Variants in TTC17 observed in about 807,000 individuals in gnomAD.
TTC17 encodes tetratricopeptide repeat domain 17.
TTC17 carries 58 observed loss-of-function variants against 143.8 expected under a neutral mutation model. That is an observed-to-expected ratio of 0.40 (90% confidence interval 0.33 to 0.50). The LOEUF is 0.50. Among genes scored for constraint, TTC17 ranks in the 20% least tolerant of loss-of-function variants. The pLI is 0.49. For synonymous variants in TTC17, 501 were observed against 497.8 expected, an observed-to-expected ratio of 1.01 and a Z score of -0.09; for missense variants, 1,273 against 1,392.5, an observed-to-expected ratio of 0.91 and a Z score of 1.37.
At chr11:43,450,936 T>C (rs1206440585) in intron 20 of TTC17, among the ~76,000 whole-genome samples, 1 of 152,194 alleles carries the variant, frequency 6.6e-6, no homozygotes, top group African/African-American at 2.4e-5. Context: ...ATTTACTCTG[T>C]GTTCTAGTGT....
chr11:43,482,126 G>A (rs945281808), intron 21 of TTC17, among the ~76,000 whole-genome samples: 3 of 151,884 alleles, frequency 2.0e-5, no homozygotes, highest in Non-Finnish European at 4.4e-5. Context: ...TAAATAATCA[G>A]TTTGAGGATC....
intron 1 of TTC17, among the ~76,000 whole-genome samples, chr11:43,366,367 A>G (rs865911384): frequency 2.1e-4 from 32 of 151,586 alleles, no homozygotes; most frequent in African/African-American, 7.3e-4. Flanking sequence ...TTAGCCGGGC[A>G]TGGTGGTGCG....
chr11:43,443,204 G>T, intron 16 of TTC17, 121 bp from the exon 17 acceptor site: 1 of 1,096,414 alleles, frequency 9.1e-7, no homozygotes, highest in South Asian at 1.8e-5. Flanking sequence ...TTATTACATT[G>T]GGCTATAGTA....
chr11:43,402,712 C>CA (rs1229378288), intron 10 of TTC17, among the ~76,000 whole-genome samples: 2 of 151,838 alleles, frequency 1.3e-5, no homozygotes, highest in Admixed American at 1.3e-4. Context: ...TTGCAAAATC[C>CA]AAAAAAATCT....
intron 21 of TTC17, among the ~76,000 whole-genome samples, chr11:43,458,149 C>T (rs558478846): frequency 7.9e-5 from 12 of 152,282 alleles, no homozygotes; most frequent in African/African-American, 1.9e-4. Context: ...TGGGCTCAGC[C>T]GGGCACTTCT....
intron 16 of TTC17, among the ~76,000 whole-genome samples, chr11:43,439,439 T>C (rs1947364323): frequency 6.6e-6 from 1 of 151,922 alleles, no homozygotes; most frequent in Admixed American, 6.6e-5. Flanking sequence ...CAGGACTACA[T>C]ATGCATAGCT....
At chr11:43,392,070 A>G in intron 5 of TTC17, 118 bp downstream of exon 5, 1 of 1,201,652 alleles carries the variant, frequency 8.3e-7, no homozygotes, top group Non-Finnish European at 1.1e-6. Flanking sequence ...AAGACGATTT[A>G]AAATTACACT....
chr11:43,368,813 G>A (rs1856451396), intron 1 of TTC17, among the ~76,000 whole-genome samples: 1 of 152,240 alleles, frequency 6.6e-6, no homozygotes, highest in Non-Finnish European at 1.5e-5. Context: ...ACAAGGTCCT[G>A]TAAGATCTAG....
rs114447891 is a variant in TTC17 at position 43,450,325 on chromosome 11, G to A, written c.2946+84G>A. ...TACTACATAGAAAGCCCAGGTGACC[G>A]GGCCTTTTAAAAAAAAATAGGGGCT... is the stretch of plus-strand genomic sequence containing the variant. On this transcript the variant is annotated intron_variant, in intron 20 of 23. Transcript: ENST00000039989. 2,659 of 1,413,912 alleles carry A rather than the reference G, an allele frequency of 1.9e-3. 39 individuals carry two copies. The African/African-American group carries it at 0.033, about 18-fold the overall frequency. 87.6% of individuals were successfully genotyped at this position (1,413,912 alleles called of 1,614,324 possible). A position where few individuals can be genotyped will look rare whatever the true frequency, so the allele number is the denominator to read the frequency against.
At chr11:43,384,187 A>G (rs1857084945) in intron 2 of TTC17, among the ~76,000 whole-genome samples, 1 of 152,158 alleles carries the variant, frequency 6.6e-6, no homozygotes, top group Non-Finnish European at 1.5e-5. Context: ...CTTACAAATA[A>G]AAAAAGAGGA....
At chr11:43,390,684 A>C (rs1041855667) in intron 3 of TTC17, among the ~76,000 whole-genome samples, 11 of 151,720 alleles carry the variant, frequency 7.3e-5, no homozygotes, top group African/African-American at 2.7e-4. Flanking sequence ...AAGAGAAAAA[A>C]ATAAAATTGA....
intron 16 of TTC17, among the ~76,000 whole-genome samples, chr11:43,438,211 G>A (rs1406468175): frequency 6.6e-6 from 1 of 152,184 alleles, no homozygotes; most frequent in African/African-American, 2.4e-5. Flanking sequence ...AGGCTGGAGT[G>A]CAATGGCACG....
chr11:43,367,095 C>T lies in TTC17; in HGVS notation c.159+7982C>T, dbSNP rs913983382. On this transcript the variant is annotated intron_variant, in intron 1 of 23. Coordinates refer to ENST00000039989, the MANE Select transcript of TTC17 (RefSeq NM_018259.6). ...GGTAAATGCCACACTAGACATTTCT[C>T]AATGAATCCTTATAGTATTCAGTAA... Among the ~76,000 whole-genome samples the T allele has an allele frequency of 1.2e-4, 19 of 152,262 alleles. 4 individuals carry two copies. The highest frequency in any genetic ancestry group is 1.2e-3 in the Admixed American group (18 of 15,294).
intron 16 of TTC17, among the ~76,000 whole-genome samples, chr11:43,434,168 G>GACACACACACACACACACACACACACAC (rs55913890): frequency 8.0e-6 from 1 of 125,486 alleles, no homozygotes; most frequent in African/African-American, 3.1e-5. Flanking sequence ...CATGGGCGGG[G>GACACACACACACACACACACACACACAC]ACACACACAC....
chr11:43,476,384 A>G (rs889891768), intron 21 of TTC17, among the ~76,000 whole-genome samples: 6 of 152,224 alleles, frequency 3.9e-5, no homozygotes, highest in African/African-American at 1.2e-4. Flanking sequence ...CTACAATTAA[A>G]CTACTGAATT....
chr11:43,441,517 T>C (rs550170760), intron 16 of TTC17, among the ~76,000 whole-genome samples: 25 of 152,230 alleles, frequency 1.6e-4, no homozygotes, highest in Non-Finnish European at 8.8e-5. Context: ...CTTTCCATTT[T>C]TTTTTGTTCC....
At chr11:43,406,658 GA>G (rs1206836087) in intron 13 of TTC17, among the ~76,000 whole-genome samples, 1 of 151,832 alleles carries the variant, frequency 6.6e-6, no homozygotes, top group African/African-American at 2.4e-5. Flanking sequence ...TTATGTGCCA[GA>G]CATTGTTTTG....
chr11:43,442,743 G>C (rs17509492), intron 16 of TTC17, among the ~76,000 whole-genome samples: 27,082 of 152,070 alleles, frequency 0.18, 2,994 homozygotes, highest in Non-Finnish European at 0.24. Context: ...TAAGAGACTT[G>C]AGCCACCTAA....
At chr11:43,431,855 G>C (rs1246351568) in intron 16 of TTC17, among the ~76,000 whole-genome samples, 6 of 152,212 alleles carry the variant, frequency 3.9e-5, no homozygotes, top group Non-Finnish European at 8.8e-5. Flanking sequence ...TCACTTTGTA[G>C]ATGAGGAAAA....
Sources: allele counts gnomAD v4.1 joint callset (sites outside exome capture counted in the v4.1 genomes callset), GRCh38; gene constraint gnomAD v4.1.1; transcripts MANE v1.5; gene names NCBI Gene and HGNC (gene_info 2026-07-23, HGNC 2026-07-21).